The following ADGRV1 variants were observed in gnomAD, a reference collection of about 807,000 sequenced individuals.
ADGRV1 encodes the protein adhesion G protein-coupled receptor V1.
Under a neutral mutation model 596.2 loss-of-function variants are expected in ADGRV1, and 359 were observed. The observed-to-expected ratio is 0.60, with a 90% CI of 0.55 to 0.66. ADGRV1 has a LOEUF of 0.66. ADGRV1 is among the 30% of genes least tolerant of loss of function. The pLI is 0.00. For missense variants in ADGRV1, 7,274 were observed against 7,575.6 expected, an observed-to-expected ratio of 0.96 and a Z score of 1.48; for synonymous variants, 2,681 against 2,679.2, an observed-to-expected ratio of 1.00 and a Z score of -0.02.
At chr5:90,990,500 T>C (rs1581725704) in intron 85 of ADGRV1, among the ~76,000 whole-genome samples, 1 of 152,162 alleles carries the variant, frequency 6.6e-6, no homozygotes, top group East Asian at 1.9e-4. Flanking sequence ...ATAGGGTTCA[T>C]ACTCCTATTA....
chr5:90,939,246 T>C (rs959952141), intron 83 of ADGRV1, among the ~76,000 whole-genome samples: 4 of 152,208 alleles, frequency 2.6e-5, no homozygotes, highest in African/African-American at 9.6e-5. Flanking sequence ...AGATACAAGA[T>C]ACAGATTAGA....
Position 90,694,332 on chromosome 5 carries a change from ATTC to A in ADGRV1, c.7580_7582del (p.Leu2527del). The A allele has an allele frequency of 6.2e-7, 1 of 1,613,950 alleles. No individual in the cohort carries two copies. Among genetic ancestry groups the A allele is most frequent in the South Asian group, 1.1e-5 (1 of 91,086 alleles). The stretch of plus-strand genomic sequence containing the variant: ...TGAATTCGCAAATCTCACAGTGTCT[ATTC>A]TTCCTGATGATTTCCCAGAGATGGA... On this transcript the variant is annotated inframe_deletion, in exon 33 of 90. Coordinates refer to ENST00000405460, the MANE Select transcript of ADGRV1 (RefSeq NM_032119.4).
At chr5:90,961,773 T>G (rs896220643) in intron 83 of ADGRV1, among the ~76,000 whole-genome samples, 1 of 152,230 alleles carries the variant, frequency 6.6e-6, no homozygotes, top group South Asian at 2.1e-4. Context: ...GCAGAGAATT[T>G]TATAAGTCAT....
chr5:90,739,571 AAG>A (rs1201210183), intron 50 of ADGRV1, among the ~76,000 whole-genome samples: 2 of 152,192 alleles, frequency 1.3e-5, no homozygotes, highest in African/African-American at 4.8e-5. Context: ...GATCAAATGG[AAG>A]TGCTGGCTGT....
intron 29 of ADGRV1, among the ~76,000 whole-genome samples, chr5:90,687,809 A>G (rs1745886259): frequency 6.6e-6 from 1 of 152,146 alleles, no homozygotes; most frequent in Non-Finnish European, 1.5e-5. Context: ...ATTGCTTCAA[A>G]GAGAATAAAA....
Position 90,810,861 on chromosome 5 carries a change from GT to G in ADGRV1, c.15602del (p.Val5201GlyfsTer10), listed in dbSNP as rs1762375256. 1.9e-6 allele frequency: 3 copies of G among 1,614,026 alleles called. No homozygotes were observed. The highest frequency in any genetic ancestry group is 2.5e-6 in the Non-Finnish European group (3 of 1,179,892). ...TGTCACCCTTCATGGCACACCTGCT[GT>G]GTCTGAAAAGCCTGATGTGGCCACT... Reference protein sequence around the residue: ...KLVTLHGTPAVSEKPDVATVT... With the variant: ...KLVTLHGTPAXSEKPDVATVT... On this transcript the variant is annotated frameshift_variant, in exon 74 of 90. Transcript: ENST00000405460. LOFTEE classifies it high-confidence loss of function.
At position 90,661,651 on chromosome 5, in the gene ADGRV1, T is replaced by G. The variant is rs149513077; in HGVS notation, c.4752+3373T>G. On this transcript the variant is annotated intron_variant, in intron 21 of 89. Transcript: ENST00000405460. Reference sequence around the variant, plus strand: ...CTATTTCTGTTTATTATTACTGTTCTGATGATCTGAATATTTGGCAAATTC... The same window carrying G: ...CTATTTCTGTTTATTATTACTGTTCGGATGATCTGAATATTTGGCAAATTC... Among the ~76,000 whole-genome samples, 347 of 152,332 alleles carry G rather than the reference T, an allele frequency of 2.3e-3. 5 individuals are homozygous for G. The highest frequency in any genetic ancestry group is 8.1e-3 in the African/African-American group (338 of 41,578).
chr5:90,617,886 A>T lies in ADGRV1; in HGVS notation c.290A>T (p.Tyr97Phe). Residue 97 changes from tyrosine to phenylalanine, a missense_variant, in exon 3 of 90, where the codon TAC becomes TTC. Physicochemically the swap from Tyr to Phe is conservative, Grantham distance 22. Transcript: ENST00000405460. Reference protein sequence around the residue: ...IPAGETNRTVYIAVCDDDLPE... With the variant: ...IPAGETNRTVFIAVCDDDLPE... ...GCCGGAGAAACAAACAGAACAGTGTACATAGCAGTATGTGATGATGACTTA... is the reference window on the plus strand; with the variant it reads ...GCCGGAGAAACAAACAGAACAGTGTTCATAGCAGTATGTGATGATGACTTA... 2 of 1,597,424 alleles carry T rather than the reference A, an allele frequency of 1.3e-6. No homozygotes were observed. Among genetic ancestry groups the T allele is most frequent in the Non-Finnish European group, 1.7e-6 (2 of 1,170,734 alleles).
intron 52 of ADGRV1, among the ~76,000 whole-genome samples, chr5:90,746,787 G>A (rs1024898057): frequency 6.6e-6 from 1 of 152,156 alleles, no homozygotes; most frequent in East Asian, 1.9e-4. Context: ...TCATTGTCCA[G>A]AACTGGGTAA....
At chr5:91,114,783 G>A (rs886838565) in intron 87 of ADGRV1, among the ~76,000 whole-genome samples, 5 of 152,136 alleles carry the variant, frequency 3.3e-5, no homozygotes, top group Non-Finnish European at 7.4e-5. Flanking sequence ...CTGAGCAGCT[G>A]CTTTCTGCTT....
At chr5:90,634,538 A>C (rs1407497004) in intron 9 of ADGRV1, among the ~76,000 whole-genome samples, 1 of 152,222 alleles carries the variant, frequency 6.6e-6, no homozygotes, top group Admixed American at 6.5e-5. Flanking sequence ...AGTTCTGAGT[A>C]GTCTTCTGAT....
chr5:91,055,569 A>G (rs1191776924), intron 85 of ADGRV1, among the ~76,000 whole-genome samples: 1 of 152,220 alleles, frequency 6.6e-6, no homozygotes, highest in African/African-American at 2.4e-5. Flanking sequence ...TCTTTCACCC[A>G]TAGTCACAAA....
At chr5:90,974,648 T>C (rs1018717327) in intron 84 of ADGRV1, among the ~76,000 whole-genome samples, 8 of 152,200 alleles carry the variant, frequency 5.3e-5, no homozygotes, top group Non-Finnish European at 8.8e-5. Flanking sequence ...GCTAGCCATA[T>C]GTAGAAAGCT....
At chr5:91,099,389 G>T (rs2367279) in intron 86 of ADGRV1, among the ~76,000 whole-genome samples, 130,644 of 151,926 alleles carry the variant, frequency 0.86, 56,437 homozygotes, top group Non-Finnish European at 0.9. Context: ...CAGCCACCAG[G>T]TAGTACAGAG....
chr5:90,608,442 C>T (rs1385801367), intron 1 of ADGRV1, among the ~76,000 whole-genome samples: 8 of 151,982 alleles, frequency 5.3e-5, no homozygotes, highest in Non-Finnish European at 7.4e-5. Flanking sequence ...ACAATCAGAA[C>T]GGGTCACAAA....
intron 86 of ADGRV1, among the ~76,000 whole-genome samples, chr5:91,078,044 C>G (rs762030780): frequency 1.4e-4 from 22 of 152,094 alleles, no homozygotes; most frequent in Non-Finnish European, 2.1e-4. Flanking sequence ...GGAAATGTGG[C>G]TGGATCCAGC....
chr5:91,145,357 G>T (rs1344588978), intron 87 of ADGRV1, among the ~76,000 whole-genome samples: 3 of 152,186 alleles, frequency 2.0e-5, no homozygotes, highest in East Asian at 1.9e-4. Context: ...TTTGTTTCCC[G>T]ATCTAGCTTT....
At chr5:90,680,375 G>C (rs1051856384) in intron 26 of ADGRV1, among the ~76,000 whole-genome samples, 1 of 151,154 alleles carries the variant, frequency 6.6e-6, no homozygotes, top group African/African-American at 2.4e-5. Flanking sequence ...AAAAAAGAAA[G>C]AAACAAATGG....
At chr5:90,764,074 C>T (rs1274519407) in intron 59 of ADGRV1, among the ~76,000 whole-genome samples, 1 of 152,108 alleles carries the variant, frequency 6.6e-6, no homozygotes, top group African/African-American at 2.4e-5. Flanking sequence ...ATTGGGGTCT[C>T]TTGGGGAGTG....
Sources: gnomAD v4.1 joint callset for allele counts (sites outside exome capture counted in the v4.1 genomes callset) on GRCh38, gnomAD v4.1.1 for gene constraint, MANE v1.5 for transcripts, NCBI Gene and HGNC (gene_info 2026-07-23, HGNC 2026-07-21) for gene names.